The following CDC27 variants were observed in gnomAD, a reference collection of about 807,000 sequenced individuals.
CDC27 encodes cell division cycle protein 27 homolog.
Under a neutral mutation model 109.7 loss-of-function variants are expected in CDC27, and 27 were observed. The ratio of observed to expected loss-of-function variants is 0.25; its 90% CI spans 0.18 to 0.34. CDC27 has a LOEUF of 0.34. CDC27 is among the 10% of genes least tolerant of loss of function. CDC27 has a pLI of 1.00. For missense variants in CDC27, 579 were observed against 960.2 expected (o/e 0.60, Z 5.25); for synonymous variants, 266 against 333.9 (o/e 0.80, Z 2.22).
At chr17:47,175,247 T>C (rs527941248) in intron 2 of CDC27, among the ~76,000 whole-genome samples, 1 of 152,298 alleles carries the variant, frequency 6.6e-6, no homozygotes, top group East Asian at 1.9e-4. Flanking sequence ...GAAAGGTAAA[T>C]TAGTCTTTCA....
intron 15 of CDC27, among the ~76,000 whole-genome samples, chr17:47,130,729 T>G (rs112652231): frequency 6.6e-6 from 1 of 151,806 alleles, no homozygotes; most frequent in African/African-American, 2.4e-5. Context: ...TACAAAAAAT[T>G]AGCCAGGCGT....
At chr17:47,181,688 G>T in intron 1 of CDC27, 51 bp from the exon 2 acceptor site, 1 of 986,838 alleles carries the variant, frequency 1.0e-6, no homozygotes, top group South Asian at 1.4e-5. Context: ...AGACTTTCAA[G>T]GTAACTACTA....
At chr17:47,129,673 A>G in intron 15 of CDC27, 152 bp from the exon 16 acceptor site, 1 of 478,794 alleles carries the variant, frequency 2.1e-6, no homozygotes, top group Non-Finnish European at 3.7e-6. Context: ...GGATTTAGTA[A>G]TTAATTACCA....
At chr17:47,166,658 TC>T (rs2063657033) in intron 4 of CDC27, among the ~76,000 whole-genome samples, 2 of 152,310 alleles carry the variant, frequency 1.3e-5, no homozygotes, top group South Asian at 4.1e-4. Context: ...CTCTTCTTTT[TC>T]TAGTTTCTTA....
intron 10 of CDC27, among the ~76,000 whole-genome samples, chr17:47,142,753 A>C (rs1382272685): frequency 2.6e-5 from 4 of 152,184 alleles, no homozygotes; most frequent in Admixed American, 6.5e-5. Context: ...AGCTCACCGC[A>C]ACCCAACCTC....
At position 47,154,685 on chromosome 17, in the gene CDC27, G is replaced by A. The variant is rs1047577584; in HGVS notation, c.944C>T (p.Ala315Val). 6.4e-7 allele frequency: 1 copy of A among 1,571,308 alleles called. No homozygotes were observed. The highest frequency in any genetic ancestry group is 8.7e-7 in the Non-Finnish European group (1 of 1,144,962). ...CATGGAAAATACCTTTTTTGAAGGG[G>A]CTCCGGTGGATGGCACATCAATTAC... Reference protein sequence around the residue: ...PPVIDVPSTGAPSKKSVARIG... With the variant: ...PPVIDVPSTGVPSKKSVARIG... Residue 315 changes from alanine (A) to valine (V), a missense_variant, in exon 8 of 19, where the codon GCC becomes GTC. By Grantham distance (64) the Ala-to-Val change is moderately conservative. This residue lies in a region of CDC27 where 74 missense variants were observed against 148.9 expected (regional missense o/e 0.50). Coordinates refer to ENST00000066544, the MANE Select transcript of CDC27 (RefSeq NM_001256.6).
intron 9 of CDC27, among the ~76,000 whole-genome samples, chr17:47,148,890 C>T (rs539104146): frequency 3.2e-4 from 48 of 151,960 alleles, no homozygotes; most frequent in African/African-American, 9.9e-4. Flanking sequence ...ACTAGCCTGG[C>T]CAACATGGTG....
At chr17:47,165,822 A>C (rs924954994) in intron 4 of CDC27, among the ~76,000 whole-genome samples, 20 of 152,180 alleles carry the variant, frequency 1.3e-4, no homozygotes, top group African/African-American at 4.8e-4. Context: ...TTAAATTTTT[A>C]ATAAGGTATG....
In CDC27 at chr17:47,120,647, A is replaced by G; in HGVS notation, c.*288T>C. The G allele has an allele frequency of 3.5e-6, 1 of 288,256 alleles. No homozygotes were observed. Among genetic ancestry groups the G allele is most frequent in the Non-Finnish European group, 6.5e-6 (1 of 153,528 alleles). 17.9% of individuals were successfully genotyped at this position (288,256 alleles called of 1,614,324 possible). A position where few individuals can be genotyped will look rare whatever the true frequency, so the allele number is the denominator to read the frequency against. ...ATAAAGCATAACTCTTCCTTTCATGATACTTTCCAACAAAGGGAGATTAAA... is the reference window on the plus strand; with the variant it reads ...ATAAAGCATAACTCTTCCTTTCATGGTACTTTCCAACAAAGGGAGATTAAA... On this transcript the variant is annotated 3_prime_UTR_variant, in exon 19 of 19. Transcript: ENST00000066544.
intron 4 of CDC27, among the ~76,000 whole-genome samples, chr17:47,168,094 C>T (rs1322850918): frequency 6.6e-6 from 1 of 152,192 alleles, no homozygotes; most frequent in Non-Finnish European, 1.5e-5. Context: ...TTTCTGGAAG[C>T]TTTCTGAACC....
At chr17:47,174,721 C>T (rs2063927194) in intron 2 of CDC27, among the ~76,000 whole-genome samples, 1 of 152,000 alleles carries the variant, frequency 6.6e-6, no homozygotes, top group African/African-American at 2.4e-5. Flanking sequence ...TTTGGGAGGC[C>T]GAGGCAGGTG....
chr17:47,166,277 A>G (rs1308262406), intron 4 of CDC27, among the ~76,000 whole-genome samples: 3 of 152,176 alleles, frequency 2.0e-5, no homozygotes, highest in Non-Finnish European at 4.4e-5. Flanking sequence ...ACTACAAATT[A>G]AAGTTTCTTT....
intron 3 of CDC27, among the ~76,000 whole-genome samples, chr17:47,171,347 G>A (rs1326715143): frequency 6.6e-6 from 1 of 152,128 alleles, no homozygotes. Flanking sequence ...TATACATACA[G>A]GCTTTTACAA....
At chr17:47,156,881 T>A (rs761967390) in intron 7 of CDC27, 32 bp downstream of exon 7, 6 of 725,236 alleles carry the variant, frequency 8.3e-6, no homozygotes, top group Non-Finnish European at 2.3e-6. Flanking sequence ...TTTGGTATTA[T>A]AGCACATTTG....
intron 4 of CDC27, among the ~76,000 whole-genome samples, chr17:47,167,895 A>G (rs1357056113): frequency 6.6e-6 from 1 of 152,208 alleles, no homozygotes; most frequent in African/African-American, 2.4e-5. Flanking sequence ...CTGATCAACT[A>G]GCTATAAATT....
rs1465982091 is a variant in CDC27 at position 47,132,359 on chromosome 17, C to A, written c.1929G>T (p.Met643Ile). The A allele has an allele frequency of 6.4e-7, 1 of 1,571,660 alleles. No individual in the cohort carries two copies. The highest frequency in any genetic ancestry group is 1.1e-5 in the South Asian group (1 of 88,184). The change falls in exon 15 of 19, where the codon ATG becomes ATT. Residue 643 changes from methionine (M) to isoleucine (I), a missense_variant. This residue lies in a region of CDC27 where 227 missense variants were observed against 363.6 expected (regional missense o/e 0.62). Coordinates refer to ENST00000066544, the MANE Select transcript of CDC27 (RefSeq NM_001256.6). ...TGAATTTTTCTTGCTTGTAATAAAT[C>A]ATTCCTAAACCATACCTGAAAGTAT... Reference protein sequence around the residue: ...RHYNAWYGLGMIYYKQEKFSL... With the variant: ...RHYNAWYGLGIIYYKQEKFSL...
intron 7 of CDC27, among the ~76,000 whole-genome samples, chr17:47,156,390 G>C (rs956902638): frequency 6.6e-5 from 10 of 151,716 alleles, no homozygotes; most frequent in Non-Finnish European, 1.5e-4. Context: ...TGCCCACCTT[G>C]GTCTCCCAAA....
intron 15 of CDC27, 110 bp from the exon 16 acceptor site, chr17:47,129,631 A>G: frequency 1.5e-6 from 1 of 670,218 alleles, no homozygotes; most frequent in Non-Finnish European, 2.5e-6. Context: ...ATAAGGTTGT[A>G]GGGTCTAACT....
At chr17:47,134,723 C>T (rs1331493898) in intron 14 of CDC27, among the ~76,000 whole-genome samples, 1 of 151,662 alleles carries the variant, frequency 6.6e-6, no homozygotes, top group Admixed American at 6.6e-5. Context: ...ATTCGCCCAT[C>T]TCAGCCTCCC....
Sources: gnomAD v4.1 joint callset for allele counts (sites outside exome capture counted in the v4.1 genomes callset) on GRCh38, gnomAD v4.1.1 for gene constraint, gnomAD v4.1.1 regional missense constraint, MANE v1.5 for transcripts, NCBI Gene and HGNC (gene_info 2026-07-23, HGNC 2026-07-21) for gene names.